Variants in SEL1L observed in about 807,000 individuals in gnomAD.
SEL1L encodes protein sel-1 homolog 1.
Under a neutral mutation model 109.8 loss-of-function variants are expected in SEL1L, and 52 were observed. That is an observed-to-expected ratio of 0.47 (90% CI 0.38 to 0.60). The LOEUF (loss-of-function observed/expected upper bound fraction) is 0.60. Ranked by LOEUF, SEL1L falls within the 20% of genes least tolerant of loss-of-function variation. The probability of loss-of-function intolerance (pLI) is 0.00; values close to 1 mark genes in which losing one functional copy is unlikely to be tolerated. For missense variants in SEL1L, 749 were observed against 962.2 expected (o/e 0.78, Z 2.93); for synonymous variants, 373 against 339.6 (o/e 1.10, Z -1.08).
intron 3 of SEL1L, among the ~76,000 whole-genome samples, chr14:81,507,576 C>A (rs112956350): frequency 8.4e-5 from 12 of 143,608 alleles, no homozygotes; most frequent in African/African-American, 2.6e-4. Flanking sequence ...AACAAACAAA[C>A]AAAAAACAAA....
chr14:81,497,921 G>A lies in SEL1L; in HGVS notation c.1099C>T (p.Leu367=), dbSNP rs747257318. 2 of 1,613,466 alleles carry A rather than the reference G, an allele frequency of 1.2e-6. No individual in the cohort carries two copies. The highest frequency in any genetic ancestry group is 4.5e-5 in the East Asian group (2 of 44,866). ...EEDLIQYYQF[L]AEKGDVQAQV... ...GCTTGTACATCACCTTTTTCAGCTAGGAACTGGTAATATTGAATCAAATCT... is the reference window on the plus strand; with the variant it reads ...GCTTGTACATCACCTTTTTCAGCTAAGAACTGGTAATATTGAATCAAATCT... Residue 367 remains leucine (L), a synonymous_variant, in exon 10 of 21, where the codon CTA becomes TTA. Transcript: ENST00000336735.
At chr14:81,497,415 C>T (rs181374156) in intron 10 of SEL1L, among the ~76,000 whole-genome samples, 141 of 152,322 alleles carry the variant, frequency 9.3e-4, no homozygotes, top group Non-Finnish European at 7.8e-4. Flanking sequence ...TTCCATTAAA[C>T]GAGCTTACTT....
At chr14:81,502,690 C>CAG (rs1466031146) in intron 6 of SEL1L, 31 bp downstream of exon 6, 1 of 1,605,728 alleles carries the variant, frequency 6.2e-7, no homozygotes, top group South Asian at 1.1e-5. Context: ...GTGTTACATG[C>CAG]AGAGAGATTC....
At chr14:81,520,867 T>C (rs1884880098) in intron 3 of SEL1L, among the ~76,000 whole-genome samples, 1 of 152,198 alleles carries the variant, frequency 6.6e-6, no homozygotes, top group Non-Finnish European at 1.5e-5. Flanking sequence ...TGATGTCTCA[T>C]GTCGGAAACA....
In SEL1L at chr14:81,485,706, T is replaced by C. The variant is rs1443290512; in HGVS notation, c.1839A>G (p.Arg613=). 1 of 1,614,070 alleles carries C rather than the reference T, an allele frequency of 6.2e-7. No homozygotes were observed. The highest frequency in any genetic ancestry group is 1.7e-5 in the Admixed American group (1 of 60,006). ...CGGCCCTGTTCCAATGTAGCAAAGCTCTGGGATAAGTTTCATTCTCACCTA... is the reference window on the plus strand; with the variant it reads ...CGGCCCTGTTCCAATGTAGCAAAGCCCTGGGATAAGTTTCATTCTCACCTA... ...SIVGENETYP[R]ALLHWNRAAS... Residue 613 remains arginine, a synonymous_variant, in exon 18 of 21, where the codon AGA becomes AGG. Coordinates refer to ENST00000336735, the MANE Select transcript of SEL1L (RefSeq NM_005065.6).
chr14:81,519,231 C>T (rs1884820409), intron 3 of SEL1L, among the ~76,000 whole-genome samples: 1 of 152,186 alleles, frequency 6.6e-6, no homozygotes, highest in Non-Finnish European at 1.5e-5. Flanking sequence ...CGGGAGAGGA[C>T]CCTTGAAAGC....
At chr14:81,529,308 C>T (rs997416111) in intron 1 of SEL1L, among the ~76,000 whole-genome samples, 13 of 152,078 alleles carry the variant, frequency 8.5e-5, no homozygotes, top group African/African-American at 2.7e-4. Flanking sequence ...CAAAGTTGTA[C>T]TGTAAGTATA....
At chr14:81,504,957 T>C (rs965764735) in intron 4 of SEL1L, among the ~76,000 whole-genome samples, 1 of 152,166 alleles carries the variant, frequency 6.6e-6, no homozygotes, top group African/African-American at 2.4e-5. Context: ...ATGCTTCCTG[T>C]ACAGCTTGCA....
chr14:81,521,071 G>A (rs977124643), intron 3 of SEL1L, among the ~76,000 whole-genome samples: 4 of 152,096 alleles, frequency 2.6e-5, no homozygotes, highest in Non-Finnish European at 5.9e-5. Flanking sequence ...TTGATACTAG[G>A]TTAGGATCTC....
At chr14:81,504,126 T>C in intron 5 of SEL1L, 75 bp downstream of exon 5, 1 of 874,748 alleles carries the variant, frequency 1.1e-6, no homozygotes, top group Non-Finnish European at 1.7e-6. Flanking sequence ...AGTGCACTTT[T>C]TAAAGAATGT....
chr14:81,487,598 G>A, intron 15 of SEL1L, 60 bp from the exon 16 acceptor site: 1 of 1,562,240 alleles, frequency 6.4e-7, no homozygotes, highest in African/African-American at 1.4e-5. Flanking sequence ...AAGTATCAGA[G>A]AAGGCTTATA....
intron 13 of SEL1L, 29 bp from the exon 14 acceptor site, chr14:81,489,343 G>A: frequency 6.3e-7 from 1 of 1,590,784 alleles, no homozygotes; most frequent in Non-Finnish European, 8.6e-7. Flanking sequence ...AGACAAAAGA[G>A]TGAAAAGAAT....
chr14:81,483,184 T>C (rs1903413347), intron 19 of SEL1L, among the ~76,000 whole-genome samples: 1 of 152,240 alleles, frequency 6.6e-6, no homozygotes, highest in Admixed American at 6.5e-5. Flanking sequence ...CATGACATTC[T>C]AGTCATACAT....
chr14:81,528,265 A>C (rs551490152), intron 1 of SEL1L, among the ~76,000 whole-genome samples: 3 of 152,178 alleles, frequency 2.0e-5, no homozygotes, highest in African/African-American at 7.2e-5. Flanking sequence ...CAAAACAATT[A>C]TATTTAGGAT....
intron 2 of SEL1L, among the ~76,000 whole-genome samples, chr14:81,527,180 C>T (rs563316025): frequency 6.6e-6 from 1 of 152,060 alleles, no homozygotes; most frequent in Non-Finnish European, 1.5e-5. Context: ...TGTTACTTCC[C>T]CCAGAAGCCT....
intron 3 of SEL1L, among the ~76,000 whole-genome samples, chr14:81,509,496 A>G (rs1884376410): frequency 6.6e-6 from 1 of 152,208 alleles, no homozygotes. Flanking sequence ...TTAATGACAC[A>G]GTATCCCAAT....
chr14:81,515,931 T>C (rs975816945), intron 3 of SEL1L, among the ~76,000 whole-genome samples: 4 of 152,126 alleles, frequency 2.6e-5, no homozygotes, highest in African/African-American at 7.2e-5. Flanking sequence ...GTCATGGCCC[T>C]CCAGACAAAC....
chr14:81,532,377 G>A (rs1046059665), intron 1 of SEL1L, among the ~76,000 whole-genome samples: 9 of 152,108 alleles, frequency 5.9e-5, no homozygotes, highest in African/African-American at 2.2e-4. Flanking sequence ...GGTCCAGCAG[G>A]TACTCTACTC....
chr14:81,474,705 T>C lies in SEL1L; in HGVS notation c.*2267A>G, dbSNP rs971799701. ...AGTCTTTAAGTGAAGCCATAAGAACTAAGTTATTTGAAAGACACCATTCAC... is the reference window on the plus strand; with the variant it reads ...AGTCTTTAAGTGAAGCCATAAGAACCAAGTTATTTGAAAGACACCATTCAC... On this transcript the variant is annotated 3_prime_UTR_variant, in exon 21 of 21. Coordinates refer to ENST00000336735, the MANE Select transcript of SEL1L (RefSeq NM_005065.6). The C allele has an allele frequency of 7.2e-5, 11 of 152,160 alleles. No individual in the cohort carries two copies. Among genetic ancestry groups the C allele is most frequent in the African/African-American group, 2.7e-4 (11 of 41,440 alleles). 9.4% of individuals were successfully genotyped at this position (152,160 alleles called of 1,614,324 possible). A position where few individuals can be genotyped will look rare whatever the true frequency, so the allele number is the denominator to read the frequency against.
Sources: allele counts gnomAD v4.1 joint callset (sites outside exome capture counted in the v4.1 genomes callset), GRCh38; gene constraint gnomAD v4.1.1; transcripts MANE v1.5; gene names NCBI Gene and HGNC (gene_info 2026-07-23, HGNC 2026-07-21).